ABCB5: variants seen among roughly 807,000 people sequenced by gnomAD.
ABCB5 encodes ATP binding cassette subfamily B member 5.
Under a neutral mutation model 144.2 loss-of-function variants are expected in ABCB5, and 155 were observed. That is an observed-to-expected ratio of 1.08 (90% CI 0.94 to 1.23). ABCB5 has a LOEUF of 1.23. ABCB5 is among the 50% of genes most tolerant of loss of function. The pLI is 0.00. For missense variants in ABCB5, 1,830 were observed against 1,520.8 expected, an observed-to-expected ratio of 1.20 and a Z score of -3.38; for synonymous variants, 610 against 528.6, an observed-to-expected ratio of 1.15 and a Z score of -2.11.
rs543653454 is a variant in ABCB5, at chr7:20,652,458, T to C, written c.1536+835T>C. ...GGTGGCGCACACCTATAGTCTCAGC[T>C]ACTAGGGAGGCTGAGGCAGGAGAAT... On this transcript the variant is annotated intron_variant, in intron 13 of 27. Coordinates refer to ENST00000404938, the MANE Select transcript of ABCB5 (RefSeq NM_001163941.2). Among the ~76,000 whole-genome samples, 3 of 152,240 alleles carry C rather than the reference T, an allele frequency of 2.0e-5. No homozygotes were observed. The South Asian group carries it at 6.2e-4, about 32-fold the overall frequency.
chr7:20,724,462 T>C (rs1032946110), intron 21 of ABCB5, among the ~76,000 whole-genome samples: 10 of 151,866 alleles, frequency 6.6e-5, no homozygotes, highest in African/African-American at 2.4e-4. Flanking sequence ...ACCCCATCTC[T>C]ACGAAAAATA....
chr7:20,628,728 T>C lies in ABCB5; in HGVS notation c.149T>C (p.Leu50Pro). ...GGACTGGACATCACACTCATGATCC[T>C]GGGTATACTGGCATCACTGGTCAAT... ...ADGLDITLMI[L>P]GILASLVNGA... Residue 50 changes from leucine to proline, a missense_variant, in exon 4 of 28, where the codon CTG (leucine) becomes CCG (proline). Coordinates refer to ENST00000404938, the MANE Select transcript of ABCB5 (RefSeq NM_001163941.2). 2 of 1,613,602 alleles carry C rather than the reference T, an allele frequency of 1.2e-6. No individual in the cohort carries two copies. The highest frequency in any genetic ancestry group is 1.7e-6 in the Non-Finnish European group (2 of 1,179,758).
intron 20 of ABCB5, among the ~76,000 whole-genome samples, chr7:20,721,015 C>G (rs1179531682): frequency 3.3e-5 from 5 of 150,708 alleles, no homozygotes; most frequent in South Asian, 2.1e-4. Flanking sequence ...GGCCTGACAC[C>G]TAAATGAAAT....
In ABCB5 at chr7:20,709,515, G is replaced by A. The variant is rs1030866821; in HGVS notation, c.2421+4708G>A. The stretch of plus-strand genomic sequence containing the variant: ...AATACAAAATAACTCACAGCCCACC[G>A]TTCCTTAAAAACATGGCATTGAAAG... On this transcript the variant is annotated intron_variant, in intron 20 of 27. Transcript: ENST00000404938. Among the ~76,000 whole-genome samples, 9 of 149,578 alleles carry A rather than the reference G, an allele frequency of 6.0e-5. 2 individuals carry two copies. Among genetic ancestry groups the A allele is most frequent in the South Asian group, 2.1e-4 (1 of 4,664 alleles).
At chr7:20,660,218 A>C in intron 14 of ABCB5, 1 of 985,124 alleles carries the variant, frequency 1.0e-6, no homozygotes, top group Non-Finnish European at 1.2e-6. Flanking sequence ...GAATGTTTGT[A>C]AACTGATTCC....
intron 20 of ABCB5, among the ~76,000 whole-genome samples, chr7:20,717,578 G>A (rs1281337070): frequency 6.6e-6 from 1 of 151,798 alleles, no homozygotes; most frequent in Non-Finnish European, 1.5e-5. Flanking sequence ...GAGTAGCTGG[G>A]ATTACAGACA....
At chr7:20,749,741 G>T (rs1782858393) in intron 26 of ABCB5, among the ~76,000 whole-genome samples, 1 of 152,138 alleles carries the variant, frequency 6.6e-6, no homozygotes, top group African/African-American at 2.4e-5. Context: ...AGCCTAGAGG[G>T]GAGTAGAATC....
intron 5 of ABCB5, among the ~76,000 whole-genome samples, chr7:20,639,013 T>G (rs1236068656): frequency 6.6e-6 from 1 of 150,966 alleles, no homozygotes; most frequent in Non-Finnish European, 1.5e-5. Flanking sequence ...CATGTCCTCA[T>G]CAACACTTGT....
chr7:20,701,141 C>A (rs747388653), intron 19 of ABCB5, among the ~76,000 whole-genome samples: 2 of 152,172 alleles, frequency 1.3e-5, no homozygotes, highest in Non-Finnish European at 2.9e-5. Context: ...TGGAGACACT[C>A]CTTAATCCAG....
At chr7:20,710,315 T>C (rs1450493570) in intron 20 of ABCB5, among the ~76,000 whole-genome samples, 1 of 113,340 alleles carries the variant, frequency 8.8e-6, no homozygotes, top group East Asian at 2.9e-4. Context: ...TGAGGTGAGC[T>C]GAGATCGTGC....
chr7:20,709,885 G>GC (rs1786961887), intron 20 of ABCB5, among the ~76,000 whole-genome samples: 1 of 127,402 alleles, frequency 7.8e-6, no homozygotes, highest in African/African-American at 3.4e-5. Flanking sequence ...ACACCAGGCT[G>GC]CCAACATGGT....
intron 1 of ABCB5, among the ~76,000 whole-genome samples, chr7:20,622,150 C>T (rs1283354282): frequency 2.6e-5 from 4 of 152,112 alleles, no homozygotes; most frequent in Non-Finnish European, 5.9e-5. Flanking sequence ...TTTAAATGGA[C>T]AGATCATGCA....
At chr7:20,688,161 C>G (rs1786065091) in intron 16 of ABCB5, among the ~76,000 whole-genome samples, 3 of 152,072 alleles carry the variant, frequency 2.0e-5, no homozygotes, top group Admixed American at 1.3e-4. Context: ...CCACTGCACT[C>G]CAGCCTGGGC....
At position 20,629,622 on chromosome 7, in the gene ABCB5, C is replaced by T. The variant is rs149875973; in HGVS notation, c.259+784C>T. ...ATTAAAATACAAAAAATTAGCCAGC[C>T]ATGGTAGCAGGTGCCTGTAATCCCA... On this transcript the variant is annotated intron_variant, in intron 4 of 27. Transcript: ENST00000404938. Among the ~76,000 whole-genome samples, 31 of 152,098 alleles carry T rather than the reference C, an allele frequency of 2.0e-4. No homozygotes were observed. In the East Asian group the frequency reaches 5.2e-3, roughly 26 times the overall value.
At chr7:20,635,476 T>C (rs893543123) in intron 5 of ABCB5, among the ~76,000 whole-genome samples, 2 of 152,054 alleles carry the variant, frequency 1.3e-5, no homozygotes, top group African/African-American at 4.8e-5. Flanking sequence ...GAAATTGCAT[T>C]GAATGTATAG....
chr7:20,653,280 G>T (rs2128027129), intron 13 of ABCB5, among the ~76,000 whole-genome samples: 2 of 152,226 alleles, frequency 1.3e-5, no homozygotes, highest in East Asian at 3.9e-4. Flanking sequence ...ATAAATTAAA[G>T]ATAGTAGCTT....
chr7:20,717,905 T>TC (rs1781733997), intron 20 of ABCB5, among the ~76,000 whole-genome samples: 1 of 110,296 alleles, frequency 9.1e-6, no homozygotes, highest in Non-Finnish European at 1.8e-5. Flanking sequence ...TTTTTTTTTT[T>TC]TTTTTTTTTT....
intron 13 of ABCB5, among the ~76,000 whole-genome samples, chr7:20,657,319 A>T (rs957159205): frequency 1.1e-5 from 1 of 94,890 alleles, no homozygotes; most frequent in Admixed American, 9.9e-5. Flanking sequence ...TACTTATACT[A>T]AAAAAAACTC....
intron 22 of ABCB5, among the ~76,000 whole-genome samples, chr7:20,728,006 C>T (rs562573091): frequency 4.6e-5 from 7 of 152,188 alleles, no homozygotes; most frequent in African/African-American, 7.2e-5. Flanking sequence ...TAAACCAAAT[C>T]TCTAACTCTT....
Sources: gnomAD v4.1 joint callset for allele counts (sites outside exome capture counted in the v4.1 genomes callset) on GRCh38, gnomAD v4.1.1 for gene constraint, MANE v1.5 for transcripts, NCBI Gene and HGNC (gene_info 2026-07-23, HGNC 2026-07-21) for gene names.